The following SLC9C2 variants were observed in gnomAD, a reference collection of about 807,000 sequenced individuals.
SLC9C2 encodes the protein solute carrier family 9 member C2 (putative).
A neutral mutation model predicts 140.2 loss-of-function variants in SLC9C2; 75 were observed. The observed-to-expected ratio is 0.53, with a 90% confidence interval of 0.44 to 0.65. SLC9C2 has a LOEUF of 0.65. SLC9C2 is among the 30% of genes least tolerant of loss of function. The pLI, the probability that SLC9C2 is intolerant of heterozygous loss-of-function variation, is 0.00. For synonymous variants in SLC9C2, 375 were observed against 420.9 expected (o/e 0.89, Z 1.34); for missense variants, 1,074 against 1,331.8 (o/e 0.81, Z 3.01).
intron 23 of SLC9C2, among the ~76,000 whole-genome samples, chr1:173,512,743 A>C (rs1660140066): frequency 6.6e-6 from 1 of 152,224 alleles, no homozygotes; most frequent in Non-Finnish European, 1.5e-5. Context: ...TTCCAAAGGA[A>C]ATGCTTCCAG....
At chr1:173,526,310 C>T (rs1038523860) in intron 19 of SLC9C2, among the ~76,000 whole-genome samples, 7 of 152,212 alleles carry the variant, frequency 4.6e-5, no homozygotes, top group Non-Finnish European at 8.8e-5. Context: ...CAAAGGTAAC[C>T]TTCACATGTC....
At chr1:173,512,659 A>G (rs999163958) in intron 23 of SLC9C2, among the ~76,000 whole-genome samples, 2 of 152,092 alleles carry the variant, frequency 1.3e-5, no homozygotes, top group African/African-American at 4.8e-5. Context: ...ATCTTTCCTG[A>G]TTGCCCTAGC....
intron 11 of SLC9C2, among the ~76,000 whole-genome samples, chr1:173,550,892 G>GAGAGAGA (rs768255892): frequency 3.5e-5 from 3 of 86,586 alleles, no homozygotes; most frequent in African/African-American, 1.1e-4. Context: ...GAGAGAGAGA[G>GAGAGAGA]AGAGAGAGAG....
rs1553259610 is a variant in SLC9C2, at chr1:173,587,825, C to G, written c.363G>C (p.Leu121Phe). 6.2e-7 allele frequency: 1 copy of G among 1,610,992 alleles called. No individual in the cohort carries two copies. The highest frequency in any genetic ancestry group is 8.5e-7 in the Non-Finnish European group (1 of 1,178,590). Residue 121 changes from leucine to phenylalanine, a missense_variant, in exon 5 of 28, where the codon TTG becomes TTC. Coordinates refer to ENST00000367714, the MANE Select transcript of SLC9C2 (RefSeq NM_178527.4). ...TAGAAAAGCTAATTAATCCAGTTAACAAGACCTGTGAACCAATTCATAACA... is the reference window on the plus strand; with the variant it reads ...TAGAAAAGCTAATTAATCCAGTTAAGAAGACCTGTGAACCAATTCATAACA... The part of the protein sequence containing the change: ...YTLKKMFWQV[L>F]LTGLISFSTA...
chr1:173,549,021 C>G (rs956305514), intron 11 of SLC9C2, among the ~76,000 whole-genome samples: 8 of 152,188 alleles, frequency 5.3e-5, no homozygotes, highest in African/African-American at 1.9e-4. Context: ...AGAGATCCCT[C>G]AAGTTTAACA....
intron 14 of SLC9C2, 91 bp downstream of exon 14, chr1:173,536,851 T>C: frequency 1.1e-6 from 1 of 892,364 alleles, no homozygotes; most frequent in South Asian, 1.5e-5. Flanking sequence ...AATAGATTGA[T>C]CAATCAGGAC....
chr1:173,594,861 C>G (rs1666355504), intron 4 of SLC9C2, among the ~76,000 whole-genome samples: 2 of 152,046 alleles, frequency 1.3e-5, no homozygotes, highest in African/African-American at 4.8e-5. Flanking sequence ...CAGAAAAGAG[C>G]ACTTACAGTG....
intron 3 of SLC9C2, among the ~76,000 whole-genome samples, chr1:173,598,280 G>A (rs1209778163): frequency 6.6e-6 from 1 of 152,088 alleles, no homozygotes; most frequent in Non-Finnish European, 1.5e-5. Context: ...CACTGCTTGT[G>A]GTGTGCAATC....
chr1:173,575,670 G>A (rs1220550061), intron 8 of SLC9C2, among the ~76,000 whole-genome samples: 1 of 151,984 alleles, frequency 6.6e-6, no homozygotes, highest in Non-Finnish European at 1.5e-5. Flanking sequence ...TCCGCCTCCC[G>A]GGTTCACGCC....
chr1:173,550,678 C>T (rs1663216171), intron 11 of SLC9C2, among the ~76,000 whole-genome samples: 1 of 151,488 alleles, frequency 6.6e-6, no homozygotes, highest in African/African-American at 2.4e-5. Context: ...ACCTTGTGAT[C>T]CGCCCGCCTT....
chr1:173,591,653 C>A (rs1026939787), intron 4 of SLC9C2, among the ~76,000 whole-genome samples: 4 of 151,898 alleles, frequency 2.6e-5, no homozygotes, highest in Admixed American at 6.6e-5. Flanking sequence ...TTCATATGCT[C>A]GTTGGCTGCA....
chr1:173,559,740 G>A (rs908461325), intron 9 of SLC9C2, among the ~76,000 whole-genome samples: 2 of 152,164 alleles, frequency 1.3e-5, no homozygotes, highest in Non-Finnish European at 1.5e-5. Flanking sequence ...GTACAATCTC[G>A]GGCCTACTGT....
intron 13 of SLC9C2, among the ~76,000 whole-genome samples, chr1:173,544,474 G>T (rs914228557): frequency 5.9e-5 from 9 of 152,120 alleles, no homozygotes; most frequent in Non-Finnish European, 1.3e-4. Context: ...TCTAGAACTA[G>T]AAATACCATT....
chr1:173,557,504 G>A lies in SLC9C2; in HGVS notation c.1051C>T (p.Leu351Phe). ...ATAGGGCTCACTAACAAAATAGTAA[G>A]CAACCTGTGGAGAGGGAAACATTAA... ...LFTTVNLVRL[L>F]TILLVSPILM... Residue 351 changes from leucine to phenylalanine, a missense_variant, in exon 10 of 28, where the codon CTT becomes TTT. Transcript: ENST00000367714. 1 of 1,609,992 alleles carries A rather than the reference G, an allele frequency of 6.2e-7. No homozygotes were observed. The highest frequency in any genetic ancestry group is 8.5e-7 in the Non-Finnish European group (1 of 1,178,804).
At chr1:173,540,524 G>A (rs1662311574) in intron 13 of SLC9C2, among the ~76,000 whole-genome samples, 1 of 152,320 alleles carries the variant, frequency 6.6e-6, no homozygotes, top group East Asian at 1.9e-4. Context: ...TGAGAAGACT[G>A]TTAGTGGAAG....
rs140705779 is a variant in SLC9C2 at position 173,599,079 on chromosome 1, T to C, written c.228+1038A>G. 4.3e-3 allele frequency among the ~76,000 whole-genome samples: 649 copies of C among 152,328 alleles called. 6 individuals carry two copies. Among genetic ancestry groups the C allele is most frequent in the African/African-American group, 0.015 (617 of 41,562 alleles). On this transcript the variant is annotated intron_variant, in intron 3 of 27. Coordinates refer to ENST00000367714, the MANE Select transcript of SLC9C2 (RefSeq NM_178527.4). ...ATCTGGCAGTGACCATGCCTCATGA[T>C]GAACACAACTGCTGCCTTTTATAAG...
intron 6 of SLC9C2, among the ~76,000 whole-genome samples, chr1:173,582,407 T>G (rs1665600822): frequency 6.6e-6 from 1 of 152,202 alleles, no homozygotes; most frequent in Non-Finnish European, 1.5e-5. Flanking sequence ...GCAGTTAGTT[T>G]ATGACCCCTG....
At chr1:173,519,685 T>C (rs1305179866) in intron 22 of SLC9C2, among the ~76,000 whole-genome samples, 1 of 152,252 alleles carries the variant, frequency 6.6e-6, no homozygotes, top group Non-Finnish European at 1.5e-5. Context: ...TCATAAATAC[T>C]GGCAGCAGTG....
Position 173,581,852 on chromosome 1 carries a change from T to C in SLC9C2, c.797A>G (p.Tyr266Cys), listed in dbSNP as rs1291774421. The C allele has an allele frequency of 1.5e-5, 23 of 1,548,252 alleles. No homozygotes were observed. The highest frequency in any genetic ancestry group is 2.3e-5 in the East Asian group (1 of 43,794). The change falls in exon 7 of 28, where the codon TAT (tyrosine) becomes TGT (cysteine). Residue 266 changes from tyrosine (Y) to cysteine (C), a missense_variant. Coordinates refer to ENST00000367714, the MANE Select transcript of SLC9C2 (RefSeq NM_178527.4). Reference sequence around the variant, plus strand: ...TGTATTTATTTCAGCCTTACCAATATAGAAAGTCATGTACACCATTGAAAA... The same window carrying C: ...TGTATTTATTTCAGCCTTACCAATACAGAAAGTCATGTACACCATTGAAAA... ...LCFSMVYMTFYIVEFLGMSGT... is the reference protein window; with the variant it reads ...LCFSMVYMTFCIVEFLGMSGT...
Sources: gnomAD v4.1 joint callset for allele counts (sites outside exome capture counted in the v4.1 genomes callset) on GRCh38, gnomAD v4.1.1 for gene constraint, MANE v1.5 for transcripts, NCBI Gene and HGNC (gene_info 2026-07-23, HGNC 2026-07-21) for gene names.